The following GNG7 variants were observed in gnomAD, a reference collection of about 807,000 sequenced individuals.
The protein encoded by GNG7 is guanine nucleotide-binding protein G(I)/G(S)/G(O) subunit gamma-7.
GNG7 carries 1 observed loss-of-function variant against 4.0 expected under a neutral mutation model. The observed-to-expected ratio is 0.25, with a 90% CI of 0.09 to 1.18. GNG7 has a LOEUF of 1.18. Among genes scored for constraint, GNG7 ranks in the 50% most tolerant of loss-of-function variants. GNG7 has a pLI of 0.50. For missense variants in GNG7, 86 were observed against 91.9 expected (o/e 0.94, Z 0.26); for synonymous variants, 34 against 36.9 (o/e 0.92, Z 0.29).
At chr19:2,652,198 G>A (rs377467379) in intron 1 of GNG7, among the ~76,000 whole-genome samples, 2 of 151,756 alleles carry the variant, frequency 1.3e-5, no homozygotes, top group Non-Finnish European at 2.9e-5. Flanking sequence ...TAAAATATTC[G>A]CATGCCATAA....
Position 2,602,896 on chromosome 19 carries a change from T to TTTTTCTTTCTTTCTTTC in GNG7, c.-78+43311_-78+43327dup, listed in dbSNP as rs1555697039. ...TTCTCTCTTTCTCTTTCTTTTTCTC[T>TTTTTCTTTCTTTCTTTC]TTTTCTTTCTTTCTTTCTTTCTTTC... is the stretch of plus-strand genomic sequence containing the variant. On this transcript the variant is annotated intron_variant, in intron 2 of 4. Coordinates refer to ENST00000382159, the MANE Select transcript of GNG7 (RefSeq NM_052847.3). 2.3e-3 allele frequency among the ~76,000 whole-genome samples: 128 copies of TTTTTCTTTCTTTCTTTC among 56,426 alleles called. No homozygotes were observed. The Middle Eastern group carries it at 0.043, about 19-fold the overall frequency. The allele number at this position is 56,426 out of a possible 152,430, so 37.0% of individuals were successfully genotyped here.
At position 2,617,172 on chromosome 19, in the gene GNG7, G is replaced by A. The variant is rs149714678; in HGVS notation, c.-78+29052C>T. 2.4e-4 allele frequency among the ~76,000 whole-genome samples: 37 copies of A among 152,250 alleles called. No individual in the cohort carries two copies. The highest frequency in any genetic ancestry group is 8.7e-4 in the African/African-American group (36 of 41,550). ...CTGGTGCACTGCAGGGTGCTGAGTG[G>A]CGTCCCTGACCCCCACCCACTCCAT... On this transcript the variant is annotated intron_variant, in intron 2 of 4. Coordinates refer to ENST00000382159, the MANE Select transcript of GNG7 (RefSeq NM_052847.3). This position sits in a 1 kb window ranked among gnomAD's most constrained non-coding sequence, Gnocchi z 4.7.
intron 4 of GNG7, among the ~76,000 whole-genome samples, chr19:2,518,210 G>A (rs915582822): frequency 3.3e-5 from 5 of 150,552 alleles, no homozygotes; most frequent in East Asian, 2.0e-4. Flanking sequence ...AACCTCAGGC[G>A]GGACTGGGAG....
At chr19:2,575,512 TGCAGACACACGCAGGCACACGCAGACAG>T in intron 2 of GNG7, among the ~76,000 whole-genome samples, 1 of 86,892 alleles carries the variant, frequency 1.2e-5, no homozygotes, top group South Asian at 4.0e-4. Context: ...CACACAGACA[TGCAGACACACGCAGGCACACGCAGACAG>T]GCAGGCACAC....
At chr19:2,560,700 T>C (rs1333396126) in intron 2 of GNG7, among the ~76,000 whole-genome samples, 1 of 152,150 alleles carries the variant, frequency 6.6e-6, no homozygotes, top group African/African-American at 2.4e-5. Flanking sequence ...CTCACGCCTG[T>C]CATCCCAGCA....
chr19:2,564,388 C>T (rs1568245197), intron 2 of GNG7, among the ~76,000 whole-genome samples: 1 of 152,090 alleles, frequency 6.6e-6, no homozygotes, highest in Non-Finnish European at 1.5e-5. Context: ...CGAGACCAGC[C>T]TGGCCAACGT....
intron 2 of GNG7, among the ~76,000 whole-genome samples, 185 bp downstream of exon 2, chr19:2,646,039 C>A (rs984025301): frequency 1.3e-5 from 2 of 152,134 alleles, no homozygotes; most frequent in Non-Finnish European, 2.9e-5. Context: ...GAAACTCTGC[C>A]AGGAGCTAGC....
At chr19:2,561,168 C>T (rs950976302) in intron 2 of GNG7, among the ~76,000 whole-genome samples, 2 of 151,928 alleles carry the variant, frequency 1.3e-5, no homozygotes, top group Admixed American at 6.6e-5. Flanking sequence ...GATCATGGGA[C>T]GCAGAGTCTC....
At chr19:2,531,018 G>A (rs988259596) in intron 3 of GNG7, among the ~76,000 whole-genome samples, 2 of 152,014 alleles carry the variant, frequency 1.3e-5, no homozygotes, top group African/African-American at 2.4e-5. Flanking sequence ...TAAGAGTAAC[G>A]GTCACAGCTG....
At position 2,661,948 on chromosome 19, in the gene GNG7, T is replaced by C. The variant is rs116601497; in HGVS notation, c.-134-15668A>G. On this transcript the variant is annotated intron_variant, in intron 1 of 4. Transcript: ENST00000382159. ...AAACTCAAACTCAAATTGCTTTTCC[T>C]CTTGCTCTCACATCAACAGCAATCA... is the stretch of plus-strand genomic sequence containing the variant. Among the ~76,000 whole-genome samples, 668 of 152,274 alleles carry C rather than the reference T, an allele frequency of 4.4e-3. 5 individuals carry two copies. The highest frequency in any genetic ancestry group is 0.015 in the African/African-American group (620 of 41,564).
chr19:2,604,409 T>A (rs1182202489), intron 2 of GNG7, among the ~76,000 whole-genome samples: 11 of 146,992 alleles, frequency 7.5e-5, no homozygotes, highest in African/African-American at 2.8e-4. Flanking sequence ...AAGTCGAGGC[T>A]GCAGTGAGCT....
At chr19:2,515,204 G>A (rs1000953328) in intron 4 of GNG7, 57 bp from the exon 5 acceptor site, 10 of 1,605,962 alleles carry the variant, frequency 6.2e-6, no homozygotes, top group Admixed American at 1.7e-5. Flanking sequence ...TGGCACACCC[G>A]GGTTCACAGC....
chr19:2,666,989 C>T (rs914606239), intron 1 of GNG7, among the ~76,000 whole-genome samples: 2 of 152,254 alleles, frequency 1.3e-5, no homozygotes, highest in African/African-American at 4.8e-5. Context: ...TCCTCAACAT[C>T]ACACGGCAGA....
chr19:2,564,214 C>T (rs938792941), intron 2 of GNG7, among the ~76,000 whole-genome samples: 5 of 152,134 alleles, frequency 3.3e-5, no homozygotes, highest in African/African-American at 9.7e-5. Context: ...GAAGATGATA[C>T]GGATCTTGGG....
chr19:2,661,574 G>A (rs147889166), intron 1 of GNG7, among the ~76,000 whole-genome samples: 1,738 of 151,524 alleles, frequency 0.011, 21 homozygotes, highest in Middle Eastern at 0.035. Flanking sequence ...TCGGGAGGCT[G>A]AGGCAGAAGA....
chr19:2,635,289 C>A (rs925135114), intron 2 of GNG7, among the ~76,000 whole-genome samples: 1 of 151,642 alleles, frequency 6.6e-6, no homozygotes, highest in Non-Finnish European at 1.5e-5. Context: ...CCAACCCCAC[C>A]CCCAGCCCCA....
chr19:2,620,679 G>A lies in GNG7; in HGVS notation c.-78+25545C>T, dbSNP rs951385161. Among the ~76,000 whole-genome samples, 95 of 152,224 alleles carry A rather than the reference G, an allele frequency of 6.2e-4. 1 individual carries two copies. The highest frequency in any genetic ancestry group is 2.2e-3 in the African/African-American group (90 of 41,556). On this transcript the variant is annotated intron_variant, in intron 2 of 4. Transcript: ENST00000382159. ...TATGCCGTCAGCACCCCCAGCCAACGTGGGTCGGCCAGTTAGCTGGGCGTG... is the reference window on the plus strand; with the variant it reads ...TATGCCGTCAGCACCCCCAGCCAACATGGGTCGGCCAGTTAGCTGGGCGTG...
chr19:2,664,072 A>G (rs895147091), intron 1 of GNG7, among the ~76,000 whole-genome samples: 2 of 152,196 alleles, frequency 1.3e-5, no homozygotes, highest in African/African-American at 4.8e-5. Context: ...CAGGGACCTG[A>G]CATTTGATGA....
At chr19:2,602,741 C>T (rs1054425684) in intron 2 of GNG7, among the ~76,000 whole-genome samples, 1 of 152,160 alleles carries the variant, frequency 6.6e-6, no homozygotes, top group African/African-American at 2.4e-5. Flanking sequence ...AGAGGGCCAC[C>T]CGGCCCTCCC....
Sources: gnomAD v4.1 joint callset for allele counts (sites outside exome capture counted in the v4.1 genomes callset) on GRCh38, gnomAD v4.1.1 for gene constraint, Gnocchi (gnomAD v3.1) non-coding constraint, MANE v1.5 for transcripts, NCBI Gene and HGNC (gene_info 2026-07-23, HGNC 2026-07-21) for gene names.